CEP131: variants seen among roughly 807,000 people sequenced by gnomAD.
The protein encoded by CEP131 is centrosomal protein of 131 kDa.
CEP131 carries 99 observed loss-of-function variants against 136.8 expected under a neutral mutation model. That is an observed-to-expected ratio of 0.72 (90% CI 0.62 to 0.86). The LOEUF (loss-of-function observed/expected upper bound fraction) is 0.86. Ranked by LOEUF, CEP131 falls within the 40% of genes least tolerant of loss-of-function variation. The pLI, the probability that CEP131 is intolerant of heterozygous loss-of-function variation, is 0.00. For missense variants in CEP131, 1,459 were observed against 1,463.0 expected, an observed-to-expected ratio of 1.00 and a Z score of 0.04; for synonymous variants, 646 against 612.7, an observed-to-expected ratio of 1.05 and a Z score of -0.80.
At chr17:81,194,746 T>C (rs1184088610) in intron 17 of CEP131, 124 bp downstream of exon 17, 2 of 853,122 alleles carry the variant, frequency 2.3e-6, no homozygotes, top group Non-Finnish European at 2.0e-6. Context: ...GGGGCATGAG[T>C]GTTCACCTCT....
Position 81,198,336 on chromosome 17 carries a change from G to A in CEP131, c.1288-39C>T, listed in dbSNP as rs563411976. On this transcript the variant is annotated intron_variant, in intron 11 of 25. Coordinates refer to ENST00000450824, the MANE Select transcript of CEP131 (RefSeq NM_014984.4). The stretch of plus-strand genomic sequence containing the variant: ...GGGAGACAGATGCAGCAAGGCTGCT[G>A]GTAGCTGAGAGCAGCCCCCACATAG... The A allele has an allele frequency of 9.1e-6, 14 of 1,534,644 alleles. No individual in the cohort carries two copies. In the South Asian group the frequency reaches 9.7e-5, roughly 11 times the overall value.
chr17:81,206,590 T>C (rs1274267920), intron 5 of CEP131, among the ~76,000 whole-genome samples, 154 bp downstream of exon 5: 1 of 152,260 alleles, frequency 6.6e-6, no homozygotes, highest in Admixed American at 6.5e-5. Flanking sequence ...CTCCTGCCTA[T>C]GCCCTTGGGA....
intron 1 of CEP131, 136 bp from the exon 2 acceptor site, chr17:81,220,209 C>A: frequency 1.7e-6 from 1 of 599,788 alleles, no homozygotes. Context: ...AACCTATGCA[C>A]CCCTCTGGCT....
rs74372573 is a variant in CEP131, at chr17:81,207,234, G to A, written c.278C>T (p.Thr93Met). Residue 93 changes from threonine to methionine, a missense_variant, in exon 4 of 26, where the codon ACG becomes ATG. Physicochemically the swap from Thr to Met is moderately conservative, Grantham distance 81. This residue lies in a region of CEP131 where 187 missense variants were observed against 179.9 expected (regional missense o/e 1.04). Coordinates refer to ENST00000450824, the MANE Select transcript of CEP131 (RefSeq NM_014984.4). ...GAGCATCAGGAAGTCTGTGGGCTCC[G>A]TTGGCCTGCATCCGAGAGAGGGCGG... ...SQPRSGSPRP[T>M]EPTDFLMLFE... is the part of the protein sequence containing the mutation. The A allele has an allele frequency of 7.0e-4, 1,134 of 1,613,102 alleles. 13 individuals carry two copies. The East Asian group carries it at 0.021, about 30-fold the overall frequency.
chr17:81,205,279 A>G (rs1416709263), intron 5 of CEP131, among the ~76,000 whole-genome samples: 1 of 150,454 alleles, frequency 6.6e-6, no homozygotes. Context: ...ACAAACAAAC[A>G]AAAAAACACC....
intron 5 of CEP131, among the ~76,000 whole-genome samples, chr17:81,206,177 G>A (rs184544066): frequency 1.6e-3 from 244 of 151,856 alleles, no homozygotes; most frequent in African/African-American, 5.5e-3. Context: ...TCATGCCACC[G>A]CACTCCAGCC....
rs776132003 is a variant in CEP131, at chr17:81,190,766, C to A, written c.2980G>T (p.Ala994Ser). The change falls in exon 24 of 26, where the codon GCC (alanine) becomes TCC (serine). Residue 994 changes from alanine (A) to serine (S), a missense_variant. Ala to Ser is a moderately conservative substitution (Grantham distance 99). This residue lies in a region of CEP131 where 1,026 missense variants were observed against 964.2 expected (regional missense o/e 1.06). Coordinates refer to ENST00000450824, the MANE Select transcript of CEP131 (RefSeq NM_014984.4). ...TCGAACTCCTGGCGGATCACCTGGGCCAGGTTGCTGCGCTCGCTAGAAAGC... is the reference window on the plus strand; with the variant it reads ...TCGAACTCCTGGCGGATCACCTGGGACAGGTTGCTGCGCTCGCTAGAAAGC... ...EQLSSERSNL[A>S]QVIRQEFEDR... is the part of the protein sequence containing the mutation. 2 of 1,611,920 alleles carry A rather than the reference C, an allele frequency of 1.2e-6. No homozygotes were observed. The highest frequency in any genetic ancestry group is 1.7e-6 in the Non-Finnish European group (2 of 1,179,510).
rs150154684 is a variant in CEP131, at chr17:81,190,930, G to A, written c.2920C>T (p.Arg974Trp). The A allele has an allele frequency of 8.7e-6, 14 of 1,604,372 alleles. No homozygotes were observed. Among genetic ancestry groups the A allele is most frequent in the African/African-American group, 1.3e-5 (1 of 74,924 alleles). The part of the protein sequence containing the change: ...RLQGLVRQKE[R>W]ALEDAQAVNE... Reference sequence around the variant, plus strand: ...ACCGCCTGCGCATCCTCCAGCGCCCGCTCCTTCTGCCGCACAAGGCCCTGC... The same window carrying A: ...ACCGCCTGCGCATCCTCCAGCGCCCACTCCTTCTGCCGCACAAGGCCCTGC... Residue 974 changes from arginine to tryptophan, a missense_variant, in exon 23 of 26, where the codon CGG becomes TGG. Physicochemically the swap from Arg to Trp is moderately radical, Grantham distance 101. This residue lies in a region of CEP131 where 1,026 missense variants were observed against 964.2 expected (regional missense o/e 1.06). Transcript: ENST00000450824.
rs748318748 is a variant in CEP131 at position 81,206,798 on chromosome 17, G to A, written c.461C>T (p.Pro154Leu). The change falls in exon 5 of 26, where the codon CCG becomes CTG. Residue 154 changes from proline (P) to leucine (L), a missense_variant. Pro to Leu is a moderately conservative substitution (Grantham distance 98, BLOSUM62 -3). Transcript: ENST00000450824. ...SSSALDSPAGPRRKECTVALA... is the reference protein window; with the variant it reads ...SSSALDSPAGLRRKECTVALA... The stretch of plus-strand genomic sequence containing the variant: ...GGCCACGGTGCATTCTTTCCTCCGC[G>A]GGCCCGCTGGTGAGTCAAGGGCACT... The A allele has an allele frequency of 2.5e-5, 41 of 1,613,992 alleles. No homozygotes were observed. The highest frequency in any genetic ancestry group is 1.6e-4 in the Middle Eastern group (1 of 6,084).
At chr17:81,204,940 T>C (rs1298074652) in intron 5 of CEP131, among the ~76,000 whole-genome samples, 1 of 152,208 alleles carries the variant, frequency 6.6e-6, no homozygotes, top group East Asian at 1.9e-4. Flanking sequence ...ATGAGCAGCA[T>C]GGCATGTATT....
chr17:81,194,228 C>G lies in CEP131; in HGVS notation c.2120-101G>C, dbSNP rs1194316393. ...CCTGTCTCAGGCCCAGAGGGGACCC[C>G]GCCCACCCAGGGCCTCCTTGGATCC... On this transcript the variant is annotated intron_variant, in intron 17 of 25. Coordinates refer to ENST00000450824, the MANE Select transcript of CEP131 (RefSeq NM_014984.4). The G allele has an allele frequency of 1.7e-5, 20 of 1,163,750 alleles. No individual in the cohort carries two copies. In the South Asian group the frequency reaches 3.2e-4, roughly 19 times the overall value. The allele number at this position is 1,163,750 out of a possible 1,614,324, so 72.1% of individuals were successfully genotyped here. A position where few individuals can be genotyped will look rare whatever the true frequency, so the allele number is the denominator to read the frequency against.
At position 81,197,012 on chromosome 17, in the gene CEP131, G is replaced by C. The variant is rs1382158123; in HGVS notation, c.1691C>G (p.Ser564Cys). Residue 564 changes from serine to cysteine, a missense_variant, in exon 14 of 26, where the codon TCC (serine) becomes TGC (cysteine). This residue lies in a region of CEP131 where 1,026 missense variants were observed against 964.2 expected (regional missense o/e 1.06). Transcript: ENST00000450824. ...EAGPGPLELG[S>C]EVSTSVMRLK... ...CCGCATCACAGACGTGCTCACCTCG[G>C]ACCCCAGCTCCAGGGGCCCCGGCCC... The C allele has an allele frequency of 6.3e-7, 1 of 1,596,768 alleles. No individual in the cohort carries two copies. Among genetic ancestry groups the C allele is most frequent in the Non-Finnish European group, 8.5e-7 (1 of 1,171,640 alleles).
At chr17:81,218,297 C>T (rs1935024243) in intron 2 of CEP131, among the ~76,000 whole-genome samples, 1 of 152,254 alleles carries the variant, frequency 6.6e-6, no homozygotes, top group Admixed American at 6.5e-5. Context: ...CCCGCCTCAA[C>T]CTCCCAAAGT....
At chr17:81,220,576 C>G (rs1470107488) in intron 1 of CEP131, among the ~76,000 whole-genome samples, 2 of 152,144 alleles carry the variant, frequency 1.3e-5, no homozygotes, top group Non-Finnish European at 2.9e-5. Flanking sequence ...CTCATTGCCA[C>G]CTCTGCCTCC....
intron 10 of CEP131, among the ~76,000 whole-genome samples, 167 bp downstream of exon 10, chr17:81,199,214 C>T (rs2061835252): frequency 6.6e-6 from 1 of 152,184 alleles, no homozygotes; most frequent in African/African-American, 2.4e-5. Flanking sequence ...GTCAAGGTCT[C>T]GGCACCCTCG....
chr17:81,194,141 A>ACCAGCTAGGGCCACGT lies in CEP131; in HGVS notation c.2120-30_2120-15dup. ...CGGGCTCCAGACCTGGGGGCGGGGC[A>ACCAGCTAGGGCCACGT]CCAGCTAGGGCCACGTCCAGCTAGG... On this transcript the variant is annotated splice_polypyrimidine_tract_variant and intron_variant, in intron 17 of 25. Transcript: ENST00000450824. The ACCAGCTAGGGCCACGT allele has an allele frequency of 6.6e-7, 1 of 1,507,374 alleles. No individual in the cohort carries two copies. Among genetic ancestry groups the ACCAGCTAGGGCCACGT allele is most frequent in the Non-Finnish European group, 8.9e-7 (1 of 1,128,844 alleles). 93.4% of individuals were successfully genotyped at this position (1,507,374 alleles called of 1,614,324 possible). A position where few individuals can be genotyped will look rare whatever the true frequency, so the allele number is the denominator to read the frequency against.
At chr17:81,210,926 C>T (rs1245783670) in intron 2 of CEP131, among the ~76,000 whole-genome samples, 1 of 151,896 alleles carries the variant, frequency 6.6e-6, no homozygotes, top group African/African-American at 2.4e-5. Flanking sequence ...GTCAGGAAAC[C>T]ATGGTCTAAA....
rs749310378 is a variant in CEP131, at chr17:81,190,735, C to A, written c.3011G>T (p.Arg1004Leu). Residue 1004 changes from arginine to leucine, a missense_variant, in exon 24 of 26, where the codon CGG becomes CTG. Arg to Leu is a moderately radical substitution (Grantham distance 102). This residue lies in a region of CEP131 where 1,026 missense variants were observed against 964.2 expected (regional missense o/e 1.06). Coordinates refer to ENST00000450824, the MANE Select transcript of CEP131 (RefSeq NM_014984.4). The stretch of plus-strand genomic sequence containing the variant: ...CGTCTCCTCCTCAGAGGCTGCCAGC[C>A]GGTCCTCGAACTCCTGGCGGATCAC... ...AQVIRQEFED[R>L]LAASEEETRQ... is the part of the protein sequence containing the mutation. The A allele has an allele frequency of 2.5e-6, 4 of 1,611,434 alleles. No homozygotes were observed. The African/African-American group carries it at 5.3e-5, about 22-fold the overall frequency.
chr17:81,217,651 C>T (rs2062278509), intron 2 of CEP131, among the ~76,000 whole-genome samples: 1 of 152,124 alleles, frequency 6.6e-6, no homozygotes, highest in African/African-American at 2.4e-5. Context: ...GACAGGCATG[C>T]AGGGGTGGGG....
Sources: allele counts gnomAD v4.1 joint callset (sites outside exome capture counted in the v4.1 genomes callset), GRCh38; gene constraint gnomAD v4.1.1; regional missense constraint gnomAD v4.1.1; transcripts MANE v1.5; gene names NCBI Gene and HGNC (gene_info 2026-07-23, HGNC 2026-07-21).